Variants in PLCG2 observed in about 807,000 individuals in gnomAD.
PLCG2 encodes the protein 1-phosphatidylinositol 4,5-bisphosphate phosphodiesterase gamma-2.
A neutral mutation model predicts 175.6 loss-of-function variants in PLCG2; 69 were observed. That is an observed-to-expected ratio of 0.39 (90% CI 0.32 to 0.48). The LOEUF (loss-of-function observed/expected upper bound fraction) is 0.48, where lower values mean the gene tolerates loss of function less well. PLCG2 is among the 20% of genes least tolerant of loss of function. The pLI, the probability that PLCG2 is intolerant of heterozygous loss-of-function variation, is 0.91. For synonymous variants in PLCG2, 827 were observed against 624.0 expected, an observed-to-expected ratio of 1.33 and a Z score of -4.85; for missense variants, 1,798 against 1,650.9, an observed-to-expected ratio of 1.09 and a Z score of -1.54.
chr16:81,772,809 C>A (rs1325837404), intron 2 of PLCG2, among the ~76,000 whole-genome samples: 2 of 151,586 alleles, frequency 1.3e-5, no homozygotes, highest in Non-Finnish European at 2.9e-5. Flanking sequence ...ACTCCATCTC[C>A]AAAAAAAAGA....
intron 31 of PLCG2, among the ~76,000 whole-genome samples, chr16:81,950,666 G>C (rs1475906724): frequency 6.6e-6 from 1 of 152,092 alleles, no homozygotes; most frequent in Non-Finnish European, 1.5e-5. Flanking sequence ...TAAGTCATTG[G>C]CTGTAACTGG....
chr16:81,816,485 T>TG lies in PLCG2; in HGVS notation c.193+30303_193+30304insG, dbSNP rs1253902065. On this transcript the variant is annotated intron_variant, in intron 2 of 32. Transcript: ENST00000564138. Reference sequence around the variant, plus strand: ...AGGAGACCTTTTCCCTCATTATAATTTTTTTTTTTTGAGACACGGTCTCAT... The same window carrying TG: ...AGGAGACCTTTTCCCTCATTATAATTGTTTTTTTTTTGAGACACGGTCTCAT... 6.0e-4 allele frequency among the ~76,000 whole-genome samples: 89 copies of TG among 149,400 alleles called. No individual in the cohort carries two copies. The Middle Eastern group carries it at 0.014, about 23-fold the overall frequency.
At chr16:81,904,596 C>G (rs919957194) in intron 14 of PLCG2, among the ~76,000 whole-genome samples, 13 of 152,234 alleles carry the variant, frequency 8.5e-5, no homozygotes, top group African/African-American at 3.1e-4. Flanking sequence ...AGCCTGTTCC[C>G]TCTGGACTGC....
chr16:81,960,191 G>A lies in PLCG2; in HGVS notation c.*2193G>A, dbSNP rs890179210. The A allele has an allele frequency of 4.1e-5, 9 of 220,074 alleles. No individual in the cohort carries two copies. Among genetic ancestry groups the A allele is most frequent in the Non-Finnish European group, 6.4e-5 (7 of 109,808 alleles). 13.6% of individuals were successfully genotyped at this position (220,074 alleles called of 1,614,324 possible). A position where few individuals can be genotyped will look rare whatever the true frequency, so the allele number is the denominator to read the frequency against. On this transcript the variant is annotated 3_prime_UTR_variant, in exon 33 of 33. Transcript: ENST00000564138. ...CCTCCTGTCCTTGACAGAGTAACACGTTAATCTGGTTCTTGGTGGTGTTAG... is the reference window on the plus strand; with the variant it reads ...CCTCCTGTCCTTGACAGAGTAACACATTAATCTGGTTCTTGGTGGTGTTAG...
intron 2 of PLCG2, among the ~76,000 whole-genome samples, chr16:81,819,430 G>C (rs1256836509): frequency 6.6e-6 from 1 of 152,168 alleles, no homozygotes; most frequent in Non-Finnish European, 1.5e-5. Flanking sequence ...GAGAAGTCAA[G>C]GATTTGGCTT....
intron 2 of PLCG2, among the ~76,000 whole-genome samples, chr16:81,850,767 C>A (rs969992305): frequency 1.3e-5 from 2 of 152,194 alleles, no homozygotes; most frequent in African/African-American, 4.8e-5. Flanking sequence ...TGTTGCATAT[C>A]TCATTAGCGT....
At chr16:81,885,719 A>C (rs1223825187) in intron 9 of PLCG2, among the ~76,000 whole-genome samples, 1 of 152,074 alleles carries the variant, frequency 6.6e-6, no homozygotes, top group Non-Finnish European at 1.5e-5. Context: ...CTGCATTTGG[A>C]TTTCATTGAT....
chr16:81,896,539 C>G (rs1156983011), intron 13 of PLCG2, among the ~76,000 whole-genome samples: 1 of 151,962 alleles, frequency 6.6e-6, no homozygotes, highest in African/African-American at 2.4e-5. Context: ...CATTGCGCCA[C>G]TGCACTGCAG....
chr16:81,800,665 C>CTATTAT (rs59716859), intron 2 of PLCG2, among the ~76,000 whole-genome samples: 108 of 151,204 alleles, frequency 7.1e-4, no homozygotes, highest in African/African-American at 2.0e-3. Flanking sequence ...GATACTATTG[C>CTATTAT]TATTATTATT....
intron 30 of PLCG2, among the ~76,000 whole-genome samples, chr16:81,942,761 C>G (rs1297363827): frequency 2.6e-5 from 4 of 152,164 alleles, no homozygotes; most frequent in African/African-American, 7.2e-5. Context: ...GATTCAAACC[C>G]AGGAATGTCT....
chr16:81,786,508 G>C (rs1439751724), intron 2 of PLCG2, among the ~76,000 whole-genome samples: 1 of 152,170 alleles, frequency 6.6e-6, no homozygotes, highest in Non-Finnish European at 1.5e-5. Context: ...ACAACTGGTC[G>C]AGTCATCTTT....
chr16:81,773,759 C>T (rs1567455878), intron 2 of PLCG2, among the ~76,000 whole-genome samples: 1 of 152,146 alleles, frequency 6.6e-6, no homozygotes, highest in Non-Finnish European at 1.5e-5. Context: ...TCCTCCACAG[C>T]AGCCCTATTT....
intron 5 of PLCG2, among the ~76,000 whole-genome samples, chr16:81,864,121 G>T (rs61472325): frequency 6.6e-6 from 1 of 152,130 alleles, no homozygotes; most frequent in Non-Finnish European, 1.5e-5. Flanking sequence ...AGCATGCACC[G>T]GAATCCCCTG....
chr16:81,863,460 C>G (rs1203057171), intron 5 of PLCG2, among the ~76,000 whole-genome samples: 2 of 152,220 alleles, frequency 1.3e-5, no homozygotes, highest in African/African-American at 4.8e-5. Context: ...TCGATGGACA[C>G]TTGAGTTGCT....
intron 1 of PLCG2, among the ~76,000 whole-genome samples, chr16:81,752,671 C>T (rs1022381844): frequency 2.0e-5 from 3 of 152,348 alleles, no homozygotes; most frequent in African/African-American, 7.2e-5. Flanking sequence ...GAGGCTTGGC[C>T]TGGGCTGCAT....
intron 2 of PLCG2, among the ~76,000 whole-genome samples, chr16:81,791,620 A>G (rs1911234982): frequency 6.6e-6 from 1 of 152,134 alleles, no homozygotes; most frequent in Non-Finnish European, 1.5e-5. Flanking sequence ...GCTGGAGTGC[A>G]ATGGTGCAGC....
At chr16:81,868,517 G>T (rs1306323974) in intron 5 of PLCG2, among the ~76,000 whole-genome samples, 1 of 152,172 alleles carries the variant, frequency 6.6e-6, no homozygotes, top group African/African-American at 2.4e-5. Flanking sequence ...GGTTCCTCTG[G>T]GTGGCAGGTA....
chr16:81,789,584 C>T (rs1270114667), intron 2 of PLCG2, among the ~76,000 whole-genome samples: 2 of 152,190 alleles, frequency 1.3e-5, no homozygotes, highest in Admixed American at 1.3e-4. Context: ...CTACCATGCC[C>T]GGCCTCAATT....
chr16:81,935,952 G>C (rs777133093), intron 26 of PLCG2: 152 of 984,830 alleles, frequency 1.5e-4, no homozygotes, highest in Non-Finnish European at 1.8e-4. Context: ...CTAAAAGGTG[G>C]TGGGAAAACT....
Sources: gnomAD v4.1 joint callset for allele counts (sites outside exome capture counted in the v4.1 genomes callset) on GRCh38, gnomAD v4.1.1 for gene constraint, MANE v1.5 for transcripts, NCBI Gene and HGNC (gene_info 2026-07-23, HGNC 2026-07-21) for gene names.